CTC1: variants seen among roughly 807,000 people sequenced by gnomAD.
CTC1 encodes CST complex subunit CTC1.
CTC1 carries 91 observed loss-of-function variants against 136.3 expected under a neutral mutation model. The ratio of observed to expected loss-of-function variants is 0.67; its 90% CI spans 0.56 to 0.79. The LOEUF (loss-of-function observed/expected upper bound fraction) is 0.79, where lower values mean the gene tolerates loss of function less well. Among genes scored for constraint, CTC1 ranks in the 30% least tolerant of loss-of-function variants. The pLI, the probability that CTC1 is intolerant of heterozygous loss-of-function variation, is 0.00. For synonymous variants in CTC1, 606 were observed against 613.8 expected, an observed-to-expected ratio of 0.99 and a Z score of 0.19; for missense variants, 1,432 against 1,498.1, an observed-to-expected ratio of 0.96 and a Z score of 0.73.
In CTC1 at chr17:8,226,249, T is replaced by C. The variant is rs1427704487; in HGVS notation, c.*1931A>G. On this transcript the variant is annotated 3_prime_UTR_variant, in exon 23 of 23. Transcript: ENST00000651323. ...CAATTGAATAAAGGCACCGCTGGGA[T>C]TCGAACCCAGGATCTCCTGTTTACT... is the stretch of plus-strand genomic sequence containing the variant. The C allele has an allele frequency of 6.6e-6, 1 of 152,268 alleles. No individual in the cohort carries two copies. Among genetic ancestry groups the C allele is most frequent in the Non-Finnish European group, 1.5e-5 (1 of 68,020 alleles). 9.4% of individuals were successfully genotyped at this position (152,268 alleles called of 1,614,324 possible).
intron 2 of CTC1, among the ~76,000 whole-genome samples, chr17:8,239,080 A>T (rs564342146): frequency 1.4e-5 from 2 of 140,458 alleles, no homozygotes; most frequent in Non-Finnish European, 3.1e-5. Context: ...CAACAGAGTG[A>T]GACTGTCTCA....
rs1555531617 is a variant in CTC1, at chr17:8,226,646, C to CCAATGGATTT, written c.*1524_*1533dup. Reference sequence around the variant, plus strand: ...GGATTCGAACCTGCGCGGGGAGACCCCAATGGATTTCTAGTCCATCGCCTT... The same window carrying CCAATGGATTT: ...GGATTCGAACCTGCGCGGGGAGACCCCAATGGATTTCAATGGATTTCTAGTCCATCGCCTT... On this transcript the variant is annotated 3_prime_UTR_variant, in exon 23 of 23. Transcript: ENST00000651323. 3 of 152,186 alleles carry CCAATGGATTT rather than the reference C, an allele frequency of 2.0e-5. No homozygotes were observed. Among genetic ancestry groups the CCAATGGATTT allele is most frequent in the African/African-American group, 7.2e-5 (3 of 41,438 alleles). The allele number at this position is 152,186 out of a possible 1,614,324, so 9.4% of individuals were successfully genotyped here. A position where few individuals can be genotyped will look rare whatever the true frequency, so the allele number is the denominator to read the frequency against.
intron 10 of CTC1, chr17:8,233,292 G>A (rs995745314): frequency 5.9e-5 from 24 of 404,962 alleles, no homozygotes; most frequent in Non-Finnish European, 9.5e-5. Flanking sequence ...AGGACACAAT[G>A]AGACGTTTGA....
At chr17:8,242,019 A>G (rs1283770476) in intron 2 of CTC1, among the ~76,000 whole-genome samples, 2 of 148,014 alleles carry the variant, frequency 1.4e-5, no homozygotes, top group Non-Finnish European at 3.0e-5. Flanking sequence ...CATCTCCAAG[A>G]TAGTGATTAT....
chr17:8,241,822 C>G (rs2151541335), intron 2 of CTC1, among the ~76,000 whole-genome samples: 1 of 137,986 alleles, frequency 7.2e-6, no homozygotes, highest in African/African-American at 2.7e-5. Context: ...TGCACTAGAG[C>G]CTGGGGGACA....
Position 8,226,662 on chromosome 17 carries a change from C to T in CTC1, c.*1518G>A, listed in dbSNP as rs779091221. On this transcript the variant is annotated 3_prime_UTR_variant, in exon 23 of 23. Coordinates refer to ENST00000651323, the MANE Select transcript of CTC1 (RefSeq NM_025099.6). Reference sequence around the variant, plus strand: ...GGGGAGACCCCAATGGATTTCTAGTCCATCGCCTTAACCACTCGGCCACGA... The same window carrying T: ...GGGGAGACCCCAATGGATTTCTAGTTCATCGCCTTAACCACTCGGCCACGA... 2.0e-5 allele frequency: 3 copies of T among 152,190 alleles called. No individual in the cohort carries two copies. The highest frequency in any genetic ancestry group is 2.9e-5 in the Non-Finnish European group (2 of 68,040). The allele number at this position is 152,190 out of a possible 1,614,324, so 9.4% of individuals were successfully genotyped here.
chr17:8,234,810 C>G lies in CTC1; in HGVS notation c.1556G>C (p.Ser519Thr), dbSNP rs1987558846. ...CTCATTGTGTGCATTCCGAACAGGG[C>G]TGCCTGGCGGAGCTAGAAGATCCAG... ...PTLDLLAPPG[S>T]PVRNAHNEIL... The change falls in exon 9 of 23, where the codon AGC becomes ACC. Residue 519 changes from serine (S) to threonine (T), a missense_variant. Coordinates refer to ENST00000651323, the MANE Select transcript of CTC1 (RefSeq NM_025099.6). The G allele has an allele frequency of 1.9e-6, 3 of 1,612,886 alleles. No homozygotes were observed. Among genetic ancestry groups the G allele is most frequent in the East Asian group, 4.5e-5 (2 of 44,882 alleles).
intron 2 of CTC1, 102 bp from the exon 3 acceptor site, chr17:8,238,731 G>A: frequency 1.2e-6 from 1 of 830,542 alleles, no homozygotes; most frequent in Non-Finnish European, 1.9e-6. Flanking sequence ...AAAGGTTGCA[G>A]GGAACATGGA....
chr17:8,229,997 C>T (rs1226947669), intron 17 of CTC1, 29 bp from the exon 18 acceptor site: 1 of 1,608,474 alleles, frequency 6.2e-7, no homozygotes, highest in Non-Finnish European at 8.5e-7. Flanking sequence ...TAGTGAGTGA[C>T]CAGGAAGACA....
At position 8,237,532 on chromosome 17, in the gene CTC1, A is replaced by T; in HGVS notation, c.648-13T>A. ...TCTGAGCTTGTTTCTAAGAAGGAAG[A>T]AAAAGCCCTGTAATCCCAGCTACTC... On this transcript the variant is annotated splice_polypyrimidine_tract_variant and intron_variant, in intron 4 of 22. Transcript: ENST00000651323. The T allele has an allele frequency of 1.2e-6, 2 of 1,613,490 alleles. No homozygotes were observed. Among genetic ancestry groups the T allele is most frequent in the Non-Finnish European group, 1.7e-6 (2 of 1,179,732 alleles).
chr17:8,242,921 A>C (rs1241517326), intron 2 of CTC1, 64 bp downstream of exon 2: 1 of 1,457,992 alleles, frequency 6.9e-7, no homozygotes, highest in Non-Finnish European at 9.3e-7. Context: ...ATAGAACCTT[A>C]CTTTTCAATC....
rs575847222 is a variant in CTC1, at chr17:8,239,823, A to G, written c.198-1194T>C. Among the ~76,000 whole-genome samples the G allele has an allele frequency of 9.8e-5, 15 of 152,344 alleles. No individual in the cohort carries two copies. The East Asian group carries it at 2.3e-3, about 23-fold the overall frequency. ...GAACATTATACACAAATGAGTATCA[A>G]AGAGAGAGAATGCTGTTCTAGAAAG... On this transcript the variant is annotated intron_variant, in intron 2 of 22. Transcript: ENST00000651323.
chr17:8,230,641 A>T lies in CTC1; in HGVS notation c.2680T>A (p.Ser894Thr). 1 of 1,614,120 alleles carries T rather than the reference A, an allele frequency of 6.2e-7. No individual in the cohort carries two copies. The highest frequency in any genetic ancestry group is 8.5e-7 in the Non-Finnish European group (1 of 1,179,940). The change falls in exon 16 of 23, where the codon TCC becomes ACC. Residue 894 changes from serine to threonine, a missense_variant. By Grantham distance (58) the Ser-to-Thr change is moderately conservative (BLOSUM62 1). Transcript: ENST00000651323. ...ATCTCAGCGGAGAAAGACACCAAGG[A>T]ATCTGTGAAACTGGAAGGTCAGGGA... Reference protein sequence around the residue: ...TDLLSDNFTDSLVSFSAEILS... With the variant: ...TDLLSDNFTDTLVSFSAEILS...
intron 13 of CTC1, 32 bp from the exon 14 acceptor site, chr17:8,231,847 C>T (rs1987258075): frequency 1.2e-6 from 2 of 1,613,644 alleles, no homozygotes; most frequent in Admixed American, 3.3e-5. Flanking sequence ...TGCTGGGATC[C>T]TAGCCAGAGG....
Position 8,231,786 on chromosome 17 carries a change from G to A in CTC1, c.2415C>T (p.Val805=). The change falls in exon 14 of 23, where the codon GTC becomes GTT. Residue 805 remains valine, a synonymous_variant. Transcript: ENST00000651323. Reference sequence around the variant, plus strand: ...CCGGGTGCAAGAACTCAAACCAGCGGACTGAAGAGCCAAAGAAAATGAGGT... The same window carrying A: ...CCGGGTGCAAGAACTCAAACCAGCGAACTGAAGAGCCAAAGAAAATGAGGT... ...KVHLIFFGSS[V]RWFEFLHPGQ... The A allele has an allele frequency of 6.2e-7, 1 of 1,614,192 alleles. No homozygotes were observed. The highest frequency in any genetic ancestry group is 8.5e-7 in the Non-Finnish European group (1 of 1,180,026).
intron 5 of CTC1, among the ~76,000 whole-genome samples, chr17:8,236,779 T>C (rs72635516): frequency 0.28 from 42,674 of 152,128 alleles, 6,350 homozygotes; most frequent in Admixed American, 0.42. Context: ...TTAAAATTTC[T>C]ATAAAAAGGA....
rs2151518455 is a variant in CTC1 at position 8,234,820 on chromosome 17, G to A, written c.1546C>T (p.Pro516Ser). The A allele has an allele frequency of 6.2e-7, 1 of 1,613,378 alleles. No individual in the cohort carries two copies. Among genetic ancestry groups the A allele is most frequent in the African/African-American group, 1.3e-5 (1 of 75,032 alleles). Reference protein sequence around the residue: ...LLAPTLDLLAPPGSPVRNAHN... With the variant: ...LLAPTLDLLASPGSPVRNAHN... ...GCATTCCGAACAGGGCTGCCTGGCG[G>A]AGCTAGAAGATCCAGGGTAGGAGCC... The change falls in exon 9 of 23, where the codon CCG becomes TCG. Residue 516 changes from proline (P) to serine (S), a missense_variant. By Grantham distance (74) the Pro-to-Ser change is moderately conservative. Transcript: ENST00000651323.
chr17:8,228,734 T>G lies in CTC1; in HGVS notation c.3380A>C (p.Gln1127Pro). The G allele has an allele frequency of 6.2e-7, 1 of 1,614,080 alleles. No individual in the cohort carries two copies. The highest frequency in any genetic ancestry group is 8.5e-7 in the Non-Finnish European group (1 of 1,179,990). The part of the protein sequence containing the change: ...VVLQFAGPGA[Q>P]LESSARVDEP... Reference sequence around the variant, plus strand: ...CTCCCAGCCACATTACACCTCAAGTTGGGCTCCAGGCCCTGCAAACTGCAA... The same window carrying G: ...CTCCCAGCCACATTACACCTCAAGTGGGGCTCCAGGCCCTGCAAACTGCAA... The change falls in exon 21 of 23, where the codon CAA (glutamine) becomes CCA (proline). Residue 1127 changes from glutamine to proline, a missense_variant. By Grantham distance (76) the Gln-to-Pro change is moderately conservative (BLOSUM62 -1). Transcript: ENST00000651323.
intron 10 of CTC1, 25 bp from the exon 11 acceptor site, chr17:8,233,057 A>T (rs1431943159): frequency 6.2e-7 from 1 of 1,612,694 alleles, no homozygotes. Context: ...AGGTTGAGTT[A>T]TCAAATGTTT....
Sources: allele counts gnomAD v4.1 joint callset (sites outside exome capture counted in the v4.1 genomes callset), GRCh38; gene constraint gnomAD v4.1.1; transcripts MANE v1.5; gene names NCBI Gene and HGNC (gene_info 2026-07-23, HGNC 2026-07-21).